Variants in RUBCN observed in about 807,000 individuals in gnomAD.
RUBCN encodes run domain Beclin-1-interacting and cysteine-rich domain-containing protein.
RUBCN carries 74 observed loss-of-function variants against 113.2 expected under a neutral mutation model. That is an observed-to-expected ratio of 0.65 (90% CI 0.54 to 0.79). The LOEUF (loss-of-function observed/expected upper bound fraction) is 0.79, where lower values mean the gene tolerates loss of function less well. Among genes scored for constraint, RUBCN ranks in the 30% least tolerant of loss-of-function variants. The pLI, the probability that RUBCN is intolerant of heterozygous loss-of-function variation, is 0.00. For synonymous variants in RUBCN, 480 were observed against 490.0 expected (o/e 0.98, Z 0.27); for missense variants, 1,109 against 1,251.7 (o/e 0.89, Z 1.72).
At chr3:197,737,004 C>T, upstream of RUBCN, 1 of 1,133,910 alleles carries the variant, frequency 8.8e-7, no homozygotes, top group Non-Finnish European at 1.1e-6. Flanking sequence ...CGCTCGCAGA[C>T]CGCGCCCCTC....
rs1017702476 is a variant in RUBCN, at chr3:197,675,230, A to C, written c.2741-34T>G. The C allele has an allele frequency of 3.7e-6, 6 of 1,611,004 alleles. No homozygotes were observed. Among genetic ancestry groups the C allele is most frequent in the Admixed American group, 1.7e-5 (1 of 60,012 alleles). ...GTTGGGAAGGTGGGGGAGAGAAGAAAACAATTTGTATTATCTCCAGCTAGA... is the reference window on the plus strand; with the variant it reads ...GTTGGGAAGGTGGGGGAGAGAAGAACACAATTTGTATTATCTCCAGCTAGA... On this transcript the variant is annotated intron_variant, in intron 19 of 19. Transcript: ENST00000296343. The surrounding 1 kb of genome is among the most constrained non-coding windows in gnomAD (Gnocchi z 4.4).
At chr3:197,686,257 T>C (rs1178754396) in intron 11 of RUBCN, among the ~76,000 whole-genome samples, 2 of 152,210 alleles carry the variant, frequency 1.3e-5, no homozygotes, top group African/African-American at 2.4e-5. Flanking sequence ...ACCTTTTTTT[T>C]TTCCTTTGAG....
At chr3:197,692,586 A>G (rs1252485032) in intron 11 of RUBCN, among the ~76,000 whole-genome samples, 1 of 152,066 alleles carries the variant, frequency 6.6e-6, no homozygotes, top group East Asian at 1.9e-4. Context: ...AGTTAGTGTC[A>G]GAGCTAAATT....
chr3:197,677,275 G>C (rs1275546388), intron 17 of RUBCN, among the ~76,000 whole-genome samples: 1 of 152,208 alleles, frequency 6.6e-6, no homozygotes. Context: ...AAGAGAGGTG[G>C]CCTGTCCTGG....
chr3:197,685,459 T>C lies in RUBCN; in HGVS notation c.1787-1242A>G, dbSNP rs879323401. 9.8e-5 allele frequency among the ~76,000 whole-genome samples: 15 copies of C among 152,334 alleles called. No individual in the cohort carries two copies. In the East Asian group the frequency reaches 2.9e-3, roughly 29 times the overall value. On this transcript the variant is annotated intron_variant, in intron 11 of 19. Coordinates refer to ENST00000296343, the MANE Select transcript of RUBCN (RefSeq NM_014687.4). ...TCACGTTTCCTCTGTATGCAGATTTTTGTCTGGACAACTAGATTATAAAAT... is the reference window on the plus strand; with the variant it reads ...TCACGTTTCCTCTGTATGCAGATTTCTGTCTGGACAACTAGATTATAAAAT...
rs756523742 is a variant in RUBCN, at chr3:197,694,420, G to A, written c.1639C>T (p.Arg547Cys). The A allele has an allele frequency of 5.6e-6, 9 of 1,614,080 alleles. No individual in the cohort carries two copies. Among genetic ancestry groups the A allele is most frequent in the Admixed American group, 1.7e-5 (1 of 60,004 alleles). Residue 547 changes from arginine to cysteine, a missense_variant, in exon 10 of 20, where the codon CGC becomes TGC. Around this residue, in one of 3 missense-constraint regions of RUBCN, gnomAD observed 736 missense variants for 779.6 expected, o/e 0.94. Coordinates refer to ENST00000296343, the MANE Select transcript of RUBCN (RefSeq NM_014687.4). ...QKIRLRRQQI[R>C]TKNLLPMYQE... Reference sequence around the variant, plus strand: ...TACATGGGGAGCAGGTTCTTGGTGCGGATTTGCTGGCGCCGAAGGCGGATC... The same window carrying A: ...TACATGGGGAGCAGGTTCTTGGTGCAGATTTGCTGGCGCCGAAGGCGGATC...
intron 1 of RUBCN, among the ~76,000 whole-genome samples, chr3:197,728,698 A>C (rs1450361110): frequency 6.6e-6 from 1 of 152,194 alleles, no homozygotes; most frequent in Non-Finnish European, 1.5e-5. Flanking sequence ...ATAGCGGTTA[A>C]AGAGGAAGAG....
At position 197,672,400 on chromosome 3, in the gene RUBCN, A is replaced by G. The variant is rs1482794801; in HGVS notation, c.*2618T>C. Reference sequence around the variant, plus strand: ...GTGGTAACTTGCAAAGTGCTTCCAAAACATCCCATCCTCTACCCACTTCCC... The same window carrying G: ...GTGGTAACTTGCAAAGTGCTTCCAAGACATCCCATCCTCTACCCACTTCCC... On this transcript the variant is annotated 3_prime_UTR_variant, in exon 20 of 20. Transcript: ENST00000296343. 1.3e-5 allele frequency: 2 copies of G among 152,194 alleles called. No homozygotes were observed. Among genetic ancestry groups the G allele is most frequent in the Non-Finnish European group, 2.9e-5 (2 of 68,030 alleles). 9.4% of individuals were successfully genotyped at this position (152,194 alleles called of 1,614,324 possible).
chr3:197,699,167 T>C, intron 7 of RUBCN: 1 of 1,529,814 alleles, frequency 6.5e-7, no homozygotes, highest in Non-Finnish European at 8.9e-7. Context: ...AAAGAGGAGG[T>C]GGAGGACCGA....
At chr3:197,739,568 C>G (rs909166409), upstream of RUBCN, among the ~76,000 whole-genome samples, 1 of 151,550 alleles carries the variant, frequency 6.6e-6, no homozygotes, top group Non-Finnish European at 1.5e-5. Context: ...TGGTGGCGGG[C>G]GCCTGTAGTC....
rs1037329232 is a variant in RUBCN at position 197,704,464 on chromosome 3, G to A, written c.463+78C>T. ...AAAAAAAGAAAAATAGGAGGCCCTG[G>A]TACCAGAGGGGTAGAGGATAGTGAG... On this transcript the variant is annotated intron_variant, in intron 4 of 19. Coordinates refer to ENST00000296343, the MANE Select transcript of RUBCN (RefSeq NM_014687.4). The A allele has an allele frequency of 2.9e-6, 4 of 1,368,576 alleles. No homozygotes were observed. In the African/African-American group the frequency reaches 5.7e-5, roughly 20 times the overall value. The allele number at this position is 1,368,576 out of a possible 1,614,324, so 84.8% of individuals were successfully genotyped here.
intron 1 of RUBCN, 72 bp downstream of exon 1, chr3:197,736,583 C>A: frequency 6.8e-7 from 1 of 1,468,472 alleles, no homozygotes; most frequent in South Asian, 1.2e-5. Context: ...CTCCGTGACC[C>A]CGCGCCCTCC....
Position 197,681,432 on chromosome 3 carries a change from T to C in RUBCN, c.2192-65A>G, listed in dbSNP as rs1051013450. On this transcript the variant is annotated intron_variant, in intron 15 of 19. Transcript: ENST00000296343. This position sits in a 1 kb window ranked among gnomAD's most constrained non-coding sequence, Gnocchi z 5.5. The stretch of plus-strand genomic sequence containing the variant: ...CCCATCTACAAGCTGGGAAGGCAGC[T>C]CTGCTTTTCCCTTGAAAGGGCAGAG... 7 of 1,275,400 alleles carry C rather than the reference T, an allele frequency of 5.5e-6. No individual in the cohort carries two copies. The highest frequency in any genetic ancestry group is 8.0e-6 in the Non-Finnish European group (7 of 876,772). 79.0% of individuals were successfully genotyped at this position (1,275,400 alleles called of 1,614,324 possible). A position where few individuals can be genotyped will look rare whatever the true frequency, so the allele number is the denominator to read the frequency against.
At chr3:197,730,503 A>G (rs989155890) in intron 1 of RUBCN, among the ~76,000 whole-genome samples, 1 of 152,164 alleles carries the variant, frequency 6.6e-6, no homozygotes, top group Non-Finnish European at 1.5e-5. Context: ...GAGCCCAGAG[A>G]CAGAGACAAA....
At chr3:197,723,980 C>T (rs1457902721) in intron 1 of RUBCN, among the ~76,000 whole-genome samples, 1 of 152,118 alleles carries the variant, frequency 6.6e-6, no homozygotes, top group African/African-American at 2.4e-5. Flanking sequence ...TGCCTGTAAT[C>T]CCAGCTACTC....
intron 18 of RUBCN, 137 bp downstream of exon 18, chr3:197,676,748 C>T: frequency 6.5e-7 from 1 of 1,546,086 alleles, no homozygotes; most frequent in African/African-American, 1.4e-5. Flanking sequence ...GAACAGCAGC[C>T]CTTTCCAGTT....
chr3:197,736,874 C>A lies in RUBCN; in HGVS notation c.-155G>T. On this transcript the variant is annotated 5_prime_UTR_variant, in exon 1 of 20. Coordinates refer to ENST00000296343, the MANE Select transcript of RUBCN (RefSeq NM_014687.4). ...CGGGCGGCGACAGCGGGAGGGACCG[C>A]CGCCTGGGCTGCGGCTTCTATCCCG... 7.3e-7 allele frequency: 1 copy of A among 1,374,562 alleles called. No individual in the cohort carries two copies. The highest frequency in any genetic ancestry group is 9.3e-7 in the Non-Finnish European group (1 of 1,071,464). 85.1% of individuals were successfully genotyped at this position (1,374,562 alleles called of 1,614,324 possible).
At chr3:197,731,802 A>AC (rs1187534147) in intron 1 of RUBCN, among the ~76,000 whole-genome samples, 25 of 147,898 alleles carry the variant, frequency 1.7e-4, no homozygotes, top group Non-Finnish European at 2.8e-4. Flanking sequence ...CGGGGGGCTG[A>AC]CCCCCCCACC....
chr3:197,676,588 G>GA, intron 18 of RUBCN: 1 of 1,263,528 alleles, frequency 7.9e-7, no homozygotes, highest in Non-Finnish European at 1.0e-6. Context: ...GCTGGGATGA[G>GA]AGGCCTAAGC....
Sources: gnomAD v4.1 joint callset for allele counts (sites outside exome capture counted in the v4.1 genomes callset) on GRCh38, gnomAD v4.1.1 for gene constraint, gnomAD v4.1.1 regional missense constraint, Gnocchi (gnomAD v3.1) non-coding constraint, MANE v1.5 for transcripts, NCBI Gene and HGNC (gene_info 2026-07-23, HGNC 2026-07-21) for gene names.